The following GBP6 variants were observed in gnomAD, a reference collection of about 807,000 sequenced individuals.
GBP6 encodes the protein guanylate binding protein family member 6.
In GBP6, 54 loss-of-function variants were observed where a neutral mutation model predicts 61.5. The observed-to-expected ratio is 0.88, with a 90% CI of 0.71 to 1.10. The LOEUF is 1.10. GBP6 is among the 50% of genes least tolerant of loss of function. The pLI, the probability that GBP6 is intolerant of heterozygous loss-of-function variation, is 0.00. For synonymous variants in GBP6, 255 were observed against 273.7 expected (o/e 0.93, Z 0.67); for missense variants, 748 against 752.8 (o/e 0.99, Z 0.07).
At chr1:89,364,364 T>C (rs1652400004) in intron 1 of GBP6, among the ~76,000 whole-genome samples, 1 of 152,210 alleles carries the variant, frequency 6.6e-6, no homozygotes, top group Non-Finnish European at 1.5e-5. Context: ...AGGACAGCAG[T>C]GAGTGGCCTG....
At position 89,364,141 on chromosome 1, in the gene GBP6, C is replaced by A. The variant is rs1652394112; in HGVS notation, c.-24+14C>A. On this transcript the variant is annotated intron_variant, in intron 1 of 10. Transcript: ENST00000370456. ...GCTATAGAGCAGGTATGTTCACTTT[C>A]TTTTAAATGCAACTTAGTTCCTAAC... 2 of 152,226 alleles carry A rather than the reference C, an allele frequency of 1.3e-5. No homozygotes were observed. The highest frequency in any genetic ancestry group is 2.1e-4 in the South Asian group (1 of 4,832). 9.4% of individuals were successfully genotyped at this position (152,226 alleles called of 1,614,324 possible).
intron 3 of GBP6, among the ~76,000 whole-genome samples, chr1:89,370,894 G>A (rs1437052065): frequency 6.6e-6 from 1 of 152,078 alleles, no homozygotes; most frequent in Non-Finnish European, 1.5e-5. Flanking sequence ...AATCAATATA[G>A]TATTGTTACT....
Position 89,387,039 on chromosome 1 carries a change from G to A in GBP6, c.*1570G>A, listed in dbSNP as rs191836309. 2.1e-4 allele frequency among the ~76,000 whole-genome samples: 32 copies of A among 152,332 alleles called. No homozygotes were observed. The highest frequency in any genetic ancestry group is 4.4e-4 in the Non-Finnish European group (30 of 68,032). ...TGAAGTAAATGCTGTCTATCAGGAT[G>A]TTGAGAGGTAGCCCTGATAAAGTGT... On this transcript the variant is annotated 3_prime_UTR_variant, in exon 11 of 11. Transcript: ENST00000370456.
rs376434444 is a variant in GBP6 at position 89,385,485 on chromosome 1, T to C, written c.*16T>C. 7 of 1,608,778 alleles carry C rather than the reference T, an allele frequency of 4.4e-6. No individual in the cohort carries two copies. The highest frequency in any genetic ancestry group is 5.9e-6 in the Non-Finnish European group (7 of 1,177,490). On this transcript the variant is annotated 3_prime_UTR_variant, in exon 11 of 11. Coordinates refer to ENST00000370456, the MANE Select transcript of GBP6 (RefSeq NM_198460.3). Reference sequence around the variant, plus strand: ...CCCCTTTTAAGGATATTATAGATTGTACATATATGCTTTGGACTATTTTTG... The same window carrying C: ...CCCCTTTTAAGGATATTATAGATTGCACATATATGCTTTGGACTATTTTTG...
At position 89,388,077 on chromosome 1, in the gene GBP6, T is replaced by C. The variant is rs1037632973; in HGVS notation, c.*2608T>C. Among the ~76,000 whole-genome samples, 1 of 152,198 alleles carries C rather than the reference T, an allele frequency of 6.6e-6. No homozygotes were observed. Among genetic ancestry groups the C allele is most frequent in the Non-Finnish European group, 1.5e-5 (1 of 68,028 alleles). On this transcript the variant is annotated 3_prime_UTR_variant, in exon 11 of 11. Transcript: ENST00000370456. ...ATAGAATTTTTTTTTCTGTGCTTTA[T>C]ACAGTGACTCAGACAAACCTATGAC...
chr1:89,374,626 T>C (rs563196031), intron 3 of GBP6, among the ~76,000 whole-genome samples: 3 of 152,332 alleles, frequency 2.0e-5, no homozygotes, highest in Admixed American at 1.3e-4. Context: ...ATCTTAAATG[T>C]GTCAGGTGAT....
At position 89,383,730 on chromosome 1, in the gene GBP6, A is replaced by C; in HGVS notation, c.1444A>C (p.Thr482Pro). The C allele has an allele frequency of 6.2e-7, 1 of 1,611,568 alleles. No homozygotes were observed. The highest frequency in any genetic ancestry group is 1.1e-5 in the South Asian group (1 of 90,570). Residue 482 changes from threonine (T) to proline (P), a missense_variant, in exon 9 of 11, where the codon ACT (threonine) becomes CCT (proline). Thr to Pro is a conservative substitution (Grantham distance 38). Transcript: ENST00000370456. The part of the protein sequence containing the change: ...ESILQSDKAL[T>P]DREKAVAVDR... ...CATCTTGCAGTCAGATAAAGCCCTCACTGATAGAGAGAAGGCAGTAGCAGG... is the reference window on the plus strand; with the variant it reads ...CATCTTGCAGTCAGATAAAGCCCTCCCTGATAGAGAGAAGGCAGTAGCAGG...
intron 5 of GBP6, 148 bp downstream of exon 5, chr1:89,378,761 G>A: frequency 1.7e-6 from 1 of 605,816 alleles, no homozygotes; most frequent in Non-Finnish European, 2.9e-6. Flanking sequence ...AGAGCTCTAG[G>A]AATGGAGCCT....
chr1:89,381,461 G>C (rs1016243764), intron 6 of GBP6, among the ~76,000 whole-genome samples: 8 of 151,920 alleles, frequency 5.3e-5, no homozygotes, highest in African/African-American at 1.9e-4. Flanking sequence ...TAGTATGTTA[G>C]ATACAAGTAG....
Position 89,368,734 on chromosome 1 carries a change from G to T in GBP6, c.183G>T (p.Gln61His). The change falls in exon 2 of 11, where the codon CAG becomes CAT. Residue 61 changes from glutamine to histidine, a missense_variant. Physicochemically the swap from Gln to His is conservative, Grantham distance 24. Coordinates refer to ENST00000370456, the MANE Select transcript of GBP6 (RefSeq NM_198460.3). The stretch of plus-strand genomic sequence containing the variant: ...ACTTGATGAACCATCTGGCAGGACA[G>T]AATCATGGTAAGTGGTATCCTGGGA... ...KSYLMNHLAG[Q>H]NHGFPLGSTV... 1 of 1,611,786 alleles carries T rather than the reference G, an allele frequency of 6.2e-7. No homozygotes were observed. Among genetic ancestry groups the T allele is most frequent in the Non-Finnish European group, 8.5e-7 (1 of 1,178,324 alleles).
chr1:89,382,087 A>G, intron 7 of GBP6, 113 bp downstream of exon 7: 2 of 1,091,790 alleles, frequency 1.8e-6, no homozygotes, highest in Admixed American at 2.6e-5. Context: ...CTTATTGTGG[A>G]TTCTCATGAG....
intron 3 of GBP6, among the ~76,000 whole-genome samples, chr1:89,373,212 T>C (rs1206029933): frequency 6.6e-6 from 1 of 152,226 alleles, no homozygotes; most frequent in Non-Finnish European, 1.5e-5. Flanking sequence ...TTTACACTGT[T>C]GGTGGGACCG....
chr1:89,372,908 T>C (rs1340303731), intron 3 of GBP6, among the ~76,000 whole-genome samples: 2 of 151,542 alleles, frequency 1.3e-5, no homozygotes, highest in Non-Finnish European at 2.9e-5. Context: ...TTTTTGCAAT[T>C]GACTCATCTG....
intron 3 of GBP6, among the ~76,000 whole-genome samples, chr1:89,375,252 A>G (rs1247021068): frequency 2.6e-5 from 4 of 152,110 alleles, no homozygotes; most frequent in Non-Finnish European, 5.9e-5. Context: ...TGTGGCCAAC[A>G]ATCATATGAA....
rs1412237520 is a variant in GBP6 at position 89,384,820 on chromosome 1, G to A, written c.1663-410G>A. Among the ~76,000 whole-genome samples the A allele has an allele frequency of 3.3e-5, 5 of 152,196 alleles. No individual in the cohort carries two copies. In the South Asian group the frequency reaches 1.0e-3, roughly 32 times the overall value. On this transcript the variant is annotated intron_variant, in intron 10 of 10. Coordinates refer to ENST00000370456, the MANE Select transcript of GBP6 (RefSeq NM_198460.3). Reference sequence around the variant, plus strand: ...CTGCCCAAATTAGCACACAGTGTAGGGAGAATTCTTGCATTGTCCATCTGA... The same window carrying A: ...CTGCCCAAATTAGCACACAGTGTAGAGAGAATTCTTGCATTGTCCATCTGA...
intron 3 of GBP6, among the ~76,000 whole-genome samples, chr1:89,370,422 A>G (rs1057027864): frequency 1.3e-5 from 2 of 152,226 alleles, no homozygotes; most frequent in Non-Finnish European, 2.9e-5. Flanking sequence ...TCAATTACCC[A>G]CAGAGCATTC....
In GBP6 at chr1:89,378,190, C is replaced by T. The variant is rs1298504854; in HGVS notation, c.406C>T (p.His136Tyr). The T allele has an allele frequency of 6.2e-7, 1 of 1,612,040 alleles. No homozygotes were observed. Among genetic ancestry groups the T allele is most frequent in the South Asian group, 1.1e-5 (1 of 90,622 alleles). The change falls in exon 4 of 11, where the codon CAC becomes TAC. Residue 136 changes from histidine (H) to tyrosine (Y), a missense_variant. Coordinates refer to ENST00000370456, the MANE Select transcript of GBP6 (RefSeq NM_198460.3). The part of the protein sequence containing the change: ...FVYNSMSTIN[H>Y]QALEQLHYVT... ...CTACAACAGCATGAGCACCATCAAC[C>T]ACCAGGCCCTGGAGCAGCTGCAGTA...
chr1:89,368,857 C>A (rs529459270), intron 2 of GBP6, 116 bp downstream of exon 2: 3 of 838,296 alleles, frequency 3.6e-6, no homozygotes, highest in East Asian at 5.0e-5. Flanking sequence ...ATAAACCAAC[C>A]TTCTCATTCC....
At chr1:89,364,888 G>C (rs995005992) in intron 1 of GBP6, among the ~76,000 whole-genome samples, 1 of 151,060 alleles carries the variant, frequency 6.6e-6, no homozygotes, top group East Asian at 2.0e-4. Flanking sequence ...CTATCAATCC[G>C]TCATCTAGGT....
Sources: allele counts gnomAD v4.1 joint callset (sites outside exome capture counted in the v4.1 genomes callset), GRCh38; gene constraint gnomAD v4.1.1; transcripts MANE v1.5; gene names NCBI Gene and HGNC (gene_info 2026-07-23, HGNC 2026-07-21).